Variants in LRFN5 observed in about 807,000 individuals in gnomAD.
The protein encoded by LRFN5 is leucine rich repeat and fibronectin type III domain containing 5, also known as leucine-rich repeat and fibronectin type-III domain-containing protein 5.
LRFN5 carries 24 observed loss-of-function variants against 45.6 expected under a neutral mutation model. That is an observed-to-expected ratio of 0.53 (90% CI 0.38 to 0.74). The LOEUF (loss-of-function observed/expected upper bound fraction) is 0.74. LRFN5 is among the 30% of genes least tolerant of loss of function. LRFN5 has a pLI of 0.00. For missense variants in LRFN5, 776 were observed against 861.5 expected (o/e 0.90, Z 1.24); for synonymous variants, 340 against 313.8 (o/e 1.08, Z -0.88).
chr14:41,664,536 C>T (rs910133611), intron 1 of LRFN5, among the ~76,000 whole-genome samples: 2 of 151,774 alleles, frequency 1.3e-5, no homozygotes, highest in Non-Finnish European at 2.9e-5. Context: ...ATGGTTCATG[C>T]CTATAATCCC....
chr14:41,702,029 T>C (rs561922495), intron 1 of LRFN5, among the ~76,000 whole-genome samples: 1 of 152,180 alleles, frequency 6.6e-6, no homozygotes, highest in Admixed American at 6.5e-5. Context: ...AGTAGCAATA[T>C]TAGAAATAGG....
intron 2 of LRFN5, among the ~76,000 whole-genome samples, chr14:41,846,400 C>T (rs1016367975): frequency 6.6e-6 from 1 of 151,994 alleles, no homozygotes; most frequent in Non-Finnish European, 1.5e-5. Context: ...TTGCTATAAT[C>T]GTATAATGTA....
intron 2 of LRFN5, among the ~76,000 whole-genome samples, chr14:41,797,826 A>C (rs1887184424): frequency 6.6e-6 from 1 of 151,894 alleles, no homozygotes; most frequent in Non-Finnish European, 1.5e-5. Context: ...ATTTCTTACA[A>C]GAAAATCTCT....
At chr14:41,729,996 C>T (rs61990347) in intron 1 of LRFN5, among the ~76,000 whole-genome samples, 23,864 of 151,796 alleles carry the variant, frequency 0.16, 2,186 homozygotes, top group Non-Finnish European at 0.22. Flanking sequence ...GAAACCAAAT[C>T]GTATATAAAC....
At chr14:41,686,765 A>C (rs1331892334) in intron 1 of LRFN5, among the ~76,000 whole-genome samples, 1 of 152,070 alleles carries the variant, frequency 6.6e-6, no homozygotes. Flanking sequence ...ATTACATTTA[A>C]TGATGTGCAT....
intron 2 of LRFN5, among the ~76,000 whole-genome samples, chr14:41,860,958 A>G (rs979585604): frequency 2.0e-5 from 3 of 152,216 alleles, no homozygotes; most frequent in African/African-American, 7.2e-5. Flanking sequence ...AACTATTCCA[A>G]GGTTGTCCTT....
intron 1 of LRFN5, among the ~76,000 whole-genome samples, chr14:41,729,416 C>T (rs1364877314): frequency 6.6e-6 from 1 of 152,072 alleles, no homozygotes. Context: ...CACCACACTA[C>T]CCATACTCCC....
intron 2 of LRFN5, among the ~76,000 whole-genome samples, chr14:41,855,331 G>T (rs1889416170): frequency 6.6e-6 from 1 of 152,152 alleles, no homozygotes. Context: ...ACAGGGGAGG[G>T]TTTTAGCAGT....
At chr14:41,654,570 A>G (rs1294126638) in intron 1 of LRFN5, among the ~76,000 whole-genome samples, 2 of 152,088 alleles carry the variant, frequency 1.3e-5, no homozygotes, top group Admixed American at 1.3e-4. Context: ...AGGAGGTCTC[A>G]GTAAAAAACA....
intron 1 of LRFN5, among the ~76,000 whole-genome samples, chr14:41,673,692 C>A (rs1235033562): frequency 6.9e-6 from 1 of 145,510 alleles, no homozygotes; most frequent in Non-Finnish European, 1.5e-5. Flanking sequence ...CACCTCCCTC[C>A]TGGATGGGGT....
intron 2 of LRFN5, among the ~76,000 whole-genome samples, chr14:41,783,266 C>A (rs1281983434): frequency 1.3e-5 from 2 of 152,100 alleles, no homozygotes; most frequent in Non-Finnish European, 2.9e-5. Context: ...CTCACTCTCA[C>A]TCTCAGCCTT....
At chr14:41,733,297 G>A (rs1392617109) in intron 1 of LRFN5, among the ~76,000 whole-genome samples, 1 of 151,878 alleles carries the variant, frequency 6.6e-6, no homozygotes, top group African/African-American at 2.4e-5. Flanking sequence ...ACTGTTTAAA[G>A]ACAAATAAAT....
At chr14:41,759,446 TCTAC>T (rs1403279743) in intron 1 of LRFN5, among the ~76,000 whole-genome samples, 1 of 116,816 alleles carries the variant, frequency 8.6e-6, no homozygotes, top group Non-Finnish European at 1.8e-5. Flanking sequence ...ATTCTCTCTC[TCTAC>T]ACACACACAC....
rs982924409 is a variant in LRFN5 at position 41,835,958 on chromosome 14, T to C, written c.-20-50648T>C. ...TAAAAAAAAAAAACCTTTGAAAATG[T>C]GGCTTTCAATTATCCTCAGAATTCA... On this transcript the variant is annotated intron_variant, in intron 2 of 5. Coordinates refer to ENST00000298119, the MANE Select transcript of LRFN5 (RefSeq NM_152447.5). Among the ~76,000 whole-genome samples the C allele has an allele frequency of 1.1e-4, 17 of 151,222 alleles. 1 individual carries two copies. Among genetic ancestry groups the C allele is most frequent in the African/African-American group, 3.6e-4 (15 of 41,214 alleles).
chr14:41,694,367 C>T (rs1882508851), intron 1 of LRFN5, among the ~76,000 whole-genome samples: 1 of 151,894 alleles, frequency 6.6e-6, no homozygotes, highest in Non-Finnish European at 1.5e-5. Context: ...CTCTAGTAAC[C>T]ATAATTCTAC....
intron 2 of LRFN5, among the ~76,000 whole-genome samples, chr14:41,883,566 TC>T (rs1372606874): frequency 6.6e-6 from 1 of 152,170 alleles, no homozygotes; most frequent in Non-Finnish European, 1.5e-5. Context: ...AAAAGTATAA[TC>T]CTGCCTAGGT....
chr14:41,797,504 CT>C (rs1228271783), intron 2 of LRFN5, among the ~76,000 whole-genome samples: 1 of 151,430 alleles, frequency 6.6e-6, no homozygotes, highest in Non-Finnish European at 1.5e-5. Context: ...TACCTAATAC[CT>C]TATTGGAAAA....
intron 1 of LRFN5, among the ~76,000 whole-genome samples, chr14:41,712,860 C>G (rs1424627298): frequency 2.6e-5 from 4 of 151,776 alleles, no homozygotes; most frequent in Non-Finnish European, 5.9e-5. Context: ...TTAATTGTCT[C>G]GATTTAATCT....
At chr14:41,702,899 T>C (rs1882896247) in intron 1 of LRFN5, among the ~76,000 whole-genome samples, 1 of 152,120 alleles carries the variant, frequency 6.6e-6, no homozygotes, top group Admixed American at 6.6e-5. Context: ...GAAGCAGTAC[T>C]GAACTCCCTC....
Sources: allele counts gnomAD v4.1 joint callset (sites outside exome capture counted in the v4.1 genomes callset), GRCh38; gene constraint gnomAD v4.1.1; transcripts MANE v1.5; gene names NCBI Gene and HGNC (gene_info 2026-07-23, HGNC 2026-07-21).